Variants in RBM46 observed in about 807,000 individuals in gnomAD.
The protein encoded by RBM46 is RNA binding motif protein 46.
In RBM46, 12 loss-of-function variants were observed where a neutral mutation model predicts 43.3. The ratio of observed to expected loss-of-function variants is 0.28; its 90% CI spans 0.18 to 0.45. The LOEUF (loss-of-function observed/expected upper bound fraction) is 0.45. Among genes scored for constraint, RBM46 ranks in the 20% least tolerant of loss-of-function variants. The pLI is 1.00. For missense variants in RBM46, 412 were observed against 639.1 expected (o/e 0.64, Z 3.83); for synonymous variants, 205 against 207.6 (o/e 0.99, Z 0.11).
At position 154,786,842 on chromosome 4, in the gene RBM46, G is replaced by A. The variant is rs541911748; in HGVS notation, c.-12+5406G>A. On this transcript the variant is annotated intron_variant, in intron 1 of 4. Transcript: ENST00000281722. ...CTTGGGAGGCTGAGGAAGGAGAATC[G>A]CTTGAACCTGGGGGGTGGAGGTTGC... is the stretch of plus-strand genomic sequence containing the variant. Among the ~76,000 whole-genome samples, 6 of 152,228 alleles carry A rather than the reference G, an allele frequency of 3.9e-5. No individual in the cohort carries two copies. The South Asian group carries it at 8.3e-4, about 21-fold the overall frequency.
intron 1 of RBM46, chr4:154,781,947 T>C (rs1321807411): frequency 6.6e-6 from 1 of 152,234 alleles, no homozygotes; most frequent in Non-Finnish European, 1.5e-5. Flanking sequence ...GATTCAGCAG[T>C]CTGGTTTCAG....
chr4:154,784,907 T>A (rs1168473465), intron 1 of RBM46, among the ~76,000 whole-genome samples: 2 of 152,220 alleles, frequency 1.3e-5, no homozygotes, highest in Non-Finnish European at 2.9e-5. Context: ...TTCTGGAGTA[T>A]TTTAGAATGA....
chr4:154,793,152 AC>A (rs751634285), intron 1 of RBM46, among the ~76,000 whole-genome samples: 4 of 152,148 alleles, frequency 2.6e-5, no homozygotes, highest in Admixed American at 6.5e-5. Context: ...GCTCTTTCTC[AC>A]GTATTTCTTG....
rs531806029 is a variant in RBM46, at chr4:154,793,759, C to G, written c.-11-2983C>G. 5.3e-5 allele frequency among the ~76,000 whole-genome samples: 8 copies of G among 152,250 alleles called. 1 individual carries two copies. The highest frequency in any genetic ancestry group is 1.7e-4 in the African/African-American group (7 of 41,544). ...TTGGTATAACTAGGCAAGCTGGATT[C>G]TCTTGTATTAGTTTGCTGGAGTTTA... On this transcript the variant is annotated intron_variant, in intron 1 of 4. Coordinates refer to ENST00000281722, the MANE Select transcript of RBM46 (RefSeq NM_144979.5).
intron 4 of RBM46, among the ~76,000 whole-genome samples, chr4:154,812,358 T>C (rs1445040458): frequency 6.6e-6 from 1 of 152,168 alleles, no homozygotes; most frequent in Non-Finnish European, 1.5e-5. Flanking sequence ...CTGGTTGAAT[T>C]CTGAGTTATC....
intron 4 of RBM46, among the ~76,000 whole-genome samples, chr4:154,800,055 G>A (rs1191925474): frequency 2.6e-5 from 4 of 152,166 alleles, no homozygotes; most frequent in African/African-American, 7.2e-5. Flanking sequence ...ACAGGCGTGA[G>A]CCACCGCACC....
In RBM46 at chr4:154,799,164, T is replaced by C; in HGVS notation, c.1002T>C (p.Ala334=). ...SPNSENLIVF[A]NKEESHPKTL... The stretch of plus-strand genomic sequence containing the variant: ...ATTCTGAAAATCTGATTGTGTTTGC[T>C]AACAAAGAAGAGAGCCACCCAAAAA... The change falls in exon 4 of 5, where the codon GCT becomes GCC. Residue 334 remains alanine, a synonymous_variant. Transcript: ENST00000281722. 1 of 1,614,126 alleles carries C rather than the reference T, an allele frequency of 6.2e-7. No individual in the cohort carries two copies. The highest frequency in any genetic ancestry group is 8.5e-7 in the Non-Finnish European group (1 of 1,180,032).
rs774503299 is a variant in RBM46, at chr4:154,828,097, G to A, written c.*30G>A. The A allele has an allele frequency of 3.4e-6, 5 of 1,466,674 alleles. No individual in the cohort carries two copies. The Admixed American group carries it at 6.7e-5, about 20-fold the overall frequency. 90.9% of individuals were successfully genotyped at this position (1,466,674 alleles called of 1,614,324 possible). A position where few individuals can be genotyped will look rare whatever the true frequency, so the allele number is the denominator to read the frequency against. ...AATACTAACATTAGTATGAAAATTT[G>A]TGTAAATTTGTAGTATGAAAACTTG... On this transcript the variant is annotated 3_prime_UTR_variant, in exon 5 of 5. Coordinates refer to ENST00000281722, the MANE Select transcript of RBM46 (RefSeq NM_144979.5).
intron 4 of RBM46, among the ~76,000 whole-genome samples, chr4:154,812,331 A>T (rs1735219737): frequency 6.6e-6 from 1 of 152,126 alleles, no homozygotes; most frequent in Non-Finnish European, 1.5e-5. Context: ...CTCCATTGTA[A>T]TGTTGACCTG....
chr4:154,782,413 C>T (rs1733532739), intron 1 of RBM46, among the ~76,000 whole-genome samples: 1 of 152,216 alleles, frequency 6.6e-6, no homozygotes, highest in Admixed American at 6.5e-5. Context: ...TCCCCGTAAC[C>T]TTTATGTTAT....
At chr4:154,823,565 G>T (rs952282241) in intron 4 of RBM46, among the ~76,000 whole-genome samples, 1 of 151,760 alleles carries the variant, frequency 6.6e-6, no homozygotes, top group African/African-American at 2.4e-5. Context: ...CTCTATTAAG[G>T]GTTTTCCTCA....
In RBM46 at chr4:154,787,807, A is replaced by C. The variant is rs555370301; in HGVS notation, c.-12+6371A>C. Reference sequence around the variant, plus strand: ...TAGTTTACAGTTCCACCAACAGTGTAAAAGTGTTCCTATTTCTCCACATCC... The same window carrying C: ...TAGTTTACAGTTCCACCAACAGTGTCAAAGTGTTCCTATTTCTCCACATCC... On this transcript the variant is annotated intron_variant, in intron 1 of 4. Coordinates refer to ENST00000281722, the MANE Select transcript of RBM46 (RefSeq NM_144979.5). Among the ~76,000 whole-genome samples, 5 of 152,322 alleles carry C rather than the reference A, an allele frequency of 3.3e-5. No homozygotes were observed. The South Asian group carries it at 1.0e-3, about 32-fold the overall frequency.
intron 1 of RBM46, among the ~76,000 whole-genome samples, chr4:154,795,741 T>G (rs1734320835): frequency 6.6e-6 from 1 of 152,204 alleles, no homozygotes; most frequent in South Asian, 2.1e-4. Flanking sequence ...GATAGCATTA[T>G]GGAGATTTTG....
chr4:154,803,567 G>A (rs988954793), intron 4 of RBM46, among the ~76,000 whole-genome samples: 36 of 151,714 alleles, frequency 2.4e-4, no homozygotes, highest in African/African-American at 8.5e-4. Context: ...GCCGGGCGTG[G>A]TGGCAGGCGC....
At chr4:154,818,836 A>G (rs1470387450) in intron 4 of RBM46, among the ~76,000 whole-genome samples, 1 of 152,092 alleles carries the variant, frequency 6.6e-6, no homozygotes, top group Non-Finnish European at 1.5e-5. Context: ...TATCTGTAAA[A>G]AATTTAAAAG....
chr4:154,810,652 C>A (rs946303040), intron 4 of RBM46, among the ~76,000 whole-genome samples: 4 of 152,020 alleles, frequency 2.6e-5, no homozygotes, highest in African/African-American at 9.7e-5. Flanking sequence ...GCTAAAAATT[C>A]TCTCAGTACA....
chr4:154,792,422 C>T (rs1254340296), intron 1 of RBM46, among the ~76,000 whole-genome samples: 1 of 152,152 alleles, frequency 6.6e-6, no homozygotes, highest in Non-Finnish European at 1.5e-5. Flanking sequence ...AGGTCTTCTC[C>T]CACACAGTTG....
chr4:154,796,218 G>C (rs1024378136), intron 1 of RBM46, among the ~76,000 whole-genome samples: 1 of 152,154 alleles, frequency 6.6e-6, no homozygotes, highest in Non-Finnish European at 1.5e-5. Context: ...TGACTGATGA[G>C]CTGTGCATCA....
intron 4 of RBM46, among the ~76,000 whole-genome samples, chr4:154,808,517 G>GA (rs1735023590): frequency 1.3e-5 from 2 of 151,882 alleles, no homozygotes; most frequent in Non-Finnish European, 2.9e-5. Flanking sequence ...AGATTATGGG[G>GA]TAAATGAATA....
Sources: gnomAD v4.1 joint callset for allele counts (sites outside exome capture counted in the v4.1 genomes callset) on GRCh38, gnomAD v4.1.1 for gene constraint, MANE v1.5 for transcripts, NCBI Gene and HGNC (gene_info 2026-07-23, HGNC 2026-07-21) for gene names.